Variants in BICC1 observed in about 807,000 individuals in gnomAD.
BICC1 encodes the protein BicC family RNA binding protein 1.
Under a neutral mutation model 111.0 loss-of-function variants are expected in BICC1, and 43 were observed. That is an observed-to-expected ratio of 0.39 (90% CI 0.30 to 0.50). The LOEUF is 0.50. BICC1 is among the 20% of genes least tolerant of loss of function. The pLI, the probability that BICC1 is intolerant of heterozygous loss-of-function variation, is 0.88. For missense variants in BICC1, 1,091 were observed against 1,203.2 expected (o/e 0.91, Z 1.38); for synonymous variants, 467 against 434.4 (o/e 1.07, Z -0.93).
intron 1 of BICC1, among the ~76,000 whole-genome samples, chr10:58,579,425 G>A (rs771524379): frequency 6.6e-6 from 1 of 152,188 alleles, no homozygotes; most frequent in African/African-American, 2.4e-5. Context: ...CAAAGGAATG[G>A]CTTGTGTGCG....
intron 1 of BICC1, among the ~76,000 whole-genome samples, chr10:58,542,692 A>G (rs1028268219): frequency 6.6e-6 from 1 of 152,158 alleles, no homozygotes; most frequent in African/African-American, 2.4e-5. Flanking sequence ...AAAAATGGGC[A>G]AAGGACTCGA....
intron 1 of BICC1, among the ~76,000 whole-genome samples, chr10:58,602,832 A>G (rs144236497): frequency 7.2e-5 from 11 of 152,334 alleles, no homozygotes; most frequent in Middle Eastern, 6.8e-3. Flanking sequence ...CATTGGGATC[A>G]TAGACCAGAT....
At chr10:58,693,601 CTGATGG>C (rs1839978605) in intron 2 of BICC1, among the ~76,000 whole-genome samples, 1 of 151,750 alleles carries the variant, frequency 6.6e-6, no homozygotes, top group Non-Finnish European at 1.5e-5. Context: ...TTGCATTTCT[CTGATGG>C]CCAGTGATGA....
chr10:58,592,632 G>A (rs911298101), intron 1 of BICC1, among the ~76,000 whole-genome samples: 4 of 151,384 alleles, frequency 2.6e-5, no homozygotes, highest in African/African-American at 9.7e-5. Flanking sequence ...GGAGAATGGC[G>A]TAAACCCAGG....
chr10:58,604,198 C>T (rs1023387165), intron 1 of BICC1, among the ~76,000 whole-genome samples: 3 of 152,130 alleles, frequency 2.0e-5, no homozygotes, highest in Admixed American at 6.6e-5. Context: ...ATTGTGTGCC[C>T]AGTCCCACTG....
intron 17 of BICC1, among the ~76,000 whole-genome samples, chr10:58,813,161 G>A (rs1843965465): frequency 6.6e-6 from 1 of 151,760 alleles, no homozygotes; most frequent in Non-Finnish European, 1.5e-5. Flanking sequence ...AGAGAATCTT[G>A]ACTTTAATAC....
At chr10:58,673,470 C>T (rs190106870) in intron 2 of BICC1, among the ~76,000 whole-genome samples, 29 of 152,306 alleles carry the variant, frequency 1.9e-4, no homozygotes, top group Admixed American at 3.9e-4. Context: ...ATGCTTTAGC[C>T]TGTAAGACAG....
chr10:58,740,316 G>A (rs1841617270), intron 3 of BICC1, among the ~76,000 whole-genome samples: 1 of 152,290 alleles, frequency 6.6e-6, no homozygotes, highest in South Asian at 2.1e-4. Context: ...ATAAAGAAAA[G>A]ACGATTATAA....
At chr10:58,640,668 C>G (rs1838096266) in intron 2 of BICC1, among the ~76,000 whole-genome samples, 2 of 152,102 alleles carry the variant, frequency 1.3e-5, no homozygotes, top group Non-Finnish European at 2.9e-5. Context: ...TGAGTTGGGC[C>G]TTTGGAATAC....
Position 58,782,729 on chromosome 10 carries a change from G to A in BICC1, c.308-2272G>A, listed in dbSNP as rs368455661. Among the ~76,000 whole-genome samples, 291 of 152,276 alleles carry A rather than the reference G, an allele frequency of 1.9e-3. 1 individual carries two copies. The highest frequency in any genetic ancestry group is 6.6e-3 in the African/African-American group (273 of 41,572). On this transcript the variant is annotated intron_variant, in intron 3 of 20. Coordinates refer to ENST00000373886, the MANE Select transcript of BICC1 (RefSeq NM_001080512.3). ...AAAACCTGATTGAAGAGGGAATTAA[G>A]GAGGCTAGTCCCCACCCTGAGGCTT... is the stretch of plus-strand genomic sequence containing the variant.
At chr10:58,539,536 T>TAA (rs34417421) in intron 1 of BICC1, among the ~76,000 whole-genome samples, 3 of 150,876 alleles carry the variant, frequency 2.0e-5, no homozygotes, top group Non-Finnish European at 4.4e-5. Flanking sequence ...GCTACTGAAA[T>TAA]AAAAAAAAAT....
intron 1 of BICC1, among the ~76,000 whole-genome samples, chr10:58,601,170 A>ATATATATC (rs1277649903): frequency 1.5e-5 from 2 of 136,434 alleles, no homozygotes; most frequent in Non-Finnish European, 3.2e-5. Context: ...ATATATATAT[A>ATATATATC]TCTCCCAATA....
intron 8 of BICC1, among the ~76,000 whole-genome samples, chr10:58,792,742 A>G (rs1050548269): frequency 1.3e-5 from 2 of 152,174 alleles, no homozygotes; most frequent in African/African-American, 4.8e-5. Flanking sequence ...ATTTTACATT[A>G]TGGTGAGTTG....
At chr10:58,671,045 T>A (rs1564544141) in intron 2 of BICC1, among the ~76,000 whole-genome samples, 1 of 152,180 alleles carries the variant, frequency 6.6e-6, no homozygotes, top group Non-Finnish European at 1.5e-5. Context: ...TTTCTTGTCT[T>A]TCTAACCACA....
chr10:58,746,157 G>A (rs1841831918), intron 3 of BICC1, among the ~76,000 whole-genome samples: 1 of 152,014 alleles, frequency 6.6e-6, no homozygotes. Context: ...CAGTTATAAC[G>A]ATGTGGACAG....
chr10:58,560,293 G>A (rs764061616), intron 1 of BICC1, among the ~76,000 whole-genome samples: 5 of 151,990 alleles, frequency 3.3e-5, no homozygotes, highest in Admixed American at 6.6e-5. Context: ...AATCTTGATA[G>A]GTTGTATGTG....
chr10:58,761,871 A>G (rs564328511), intron 3 of BICC1, among the ~76,000 whole-genome samples: 1 of 152,274 alleles, frequency 6.6e-6, no homozygotes, highest in Admixed American at 6.5e-5. Context: ...CATGAATAAA[A>G]GCAACCACTT....
chr10:58,707,986 C>T (rs1228543273), intron 3 of BICC1, among the ~76,000 whole-genome samples: 7 of 147,416 alleles, frequency 4.7e-5, no homozygotes, highest in Non-Finnish European at 8.9e-5. Context: ...TGTGAGCCAC[C>T]GCGCCTAGCC....
chr10:58,708,678 A>G (rs542456801), intron 3 of BICC1, among the ~76,000 whole-genome samples: 1 of 151,840 alleles, frequency 6.6e-6, no homozygotes, highest in East Asian at 2.0e-4. Context: ...CTAATCTTTT[A>G]CTATGCAAAT....
Sources: gnomAD v4.1 joint callset for allele counts (sites outside exome capture counted in the v4.1 genomes callset) on GRCh38, gnomAD v4.1.1 for gene constraint, MANE v1.5 for transcripts, NCBI Gene and HGNC (gene_info 2026-07-23, HGNC 2026-07-21) for gene names.